Variants in DDX19A observed in about 807,000 individuals in gnomAD.
DDX19A encodes ATP-dependent RNA helicase DDX19A.
DDX19A carries 12 observed loss-of-function variants against 60.6 expected under a neutral mutation model. The observed-to-expected ratio is 0.20, with a 90% CI of 0.13 to 0.32. DDX19A has a LOEUF of 0.32. Ranked by LOEUF, DDX19A falls within the 10% of genes least tolerant of loss-of-function variation. DDX19A has a pLI of 1.00. For missense variants in DDX19A, 337 were observed against 600.6 expected (o/e 0.56, Z 4.59); for synonymous variants, 206 against 218.2 (o/e 0.94, Z 0.49).
chr16:70,358,731 C>G (rs761318927), intron 4 of DDX19A, among the ~76,000 whole-genome samples: 3 of 152,018 alleles, frequency 2.0e-5, no homozygotes, highest in Admixed American at 1.3e-4. Context: ...CTTGTAGTCC[C>G]GGCTACTCAG....
intron 3 of DDX19A, 69 bp from the exon 4 acceptor site, chr16:70,356,043 G>A: frequency 1.9e-6 from 3 of 1,601,664 alleles, no homozygotes; most frequent in Middle Eastern, 2.3e-4. Flanking sequence ...TGGAGAGGGA[G>A]AAAGAGTGGC....
intron 1 of DDX19A, among the ~76,000 whole-genome samples, chr16:70,350,192 G>T (rs918183637): frequency 1.3e-5 from 2 of 152,104 alleles, no homozygotes; most frequent in African/African-American, 2.4e-5. Context: ...GGTTGAGGCC[G>T]CAGTGAGCCA....
intron 4 of DDX19A, 29 bp from the exon 5 acceptor site, chr16:70,361,389 A>T (rs764303114): frequency 6.6e-7 from 1 of 1,525,908 alleles, no homozygotes; most frequent in South Asian, 1.1e-5. Context: ...ACTTCTAGGC[A>T]TCCATCCTCT....
chr16:70,353,726 C>A (rs1019332287), intron 2 of DDX19A, among the ~76,000 whole-genome samples: 1 of 151,704 alleles, frequency 6.6e-6, no homozygotes, highest in Admixed American at 6.6e-5. Context: ...TATGGTGAAA[C>A]CCTGTCTCTA....
chr16:70,356,005 G>T (rs1964173949), intron 3 of DDX19A, 107 bp from the exon 4 acceptor site: 9 of 1,426,270 alleles, frequency 6.3e-6, no homozygotes, highest in Non-Finnish European at 7.7e-6. Flanking sequence ...TTTTTCTCCA[G>T]CCGTGCTTGA....
At position 70,347,061 on chromosome 16, in the gene DDX19A, G is replaced by A; in HGVS notation, c.57+13G>A. The A allele has an allele frequency of 6.2e-7, 1 of 1,609,568 alleles. No individual in the cohort carries two copies. The highest frequency in any genetic ancestry group is 8.5e-7 in the Non-Finnish European group (1 of 1,178,944). On this transcript the variant is annotated intron_variant, in intron 1 of 11. Transcript: ENST00000302243. The stretch of plus-strand genomic sequence containing the variant: ...GGCTGTCAAGTCGGTCAGTAGCTCA[G>A]CTCCTGGCGAGGAGGACGTAGCAGG...
At position 70,373,264 on chromosome 16, in the gene DDX19A, GT is replaced by G. The variant is rs2047309347; in HGVS notation, c.*1279del. On this transcript the variant is annotated 3_prime_UTR_variant, in exon 12 of 12. Coordinates refer to ENST00000302243, the MANE Select transcript of DDX19A (RefSeq NM_018332.5). ...TAAATAAGGATGGATAAATTGTAGC[GT>G]ATGCACCATTCATTATGCTAAGACA... 6.6e-6 allele frequency: 1 copy of G among 152,102 alleles called. No homozygotes were observed. 9.4% of individuals were successfully genotyped at this position (152,102 alleles called of 1,614,324 possible).
At chr16:70,359,090 C>T (rs966774639) in intron 4 of DDX19A, among the ~76,000 whole-genome samples, 9 of 152,172 alleles carry the variant, frequency 5.9e-5, no homozygotes, top group African/African-American at 2.2e-4. Context: ...CAGGTTCTCT[C>T]TGATTTAGTT....
chr16:70,348,167 G>A (rs929991604), intron 1 of DDX19A, among the ~76,000 whole-genome samples: 1 of 152,108 alleles, frequency 6.6e-6, no homozygotes, highest in Non-Finnish European at 1.5e-5. Flanking sequence ...GAAAATTAAG[G>A]GATGGGTATA....
At chr16:70,357,832 C>A (rs1964259079) in intron 4 of DDX19A, among the ~76,000 whole-genome samples, 1 of 152,106 alleles carries the variant, frequency 6.6e-6, no homozygotes, top group South Asian at 2.1e-4. Context: ...TAGAAAGTAG[C>A]TGATGAATAA....
intron 9 of DDX19A, among the ~76,000 whole-genome samples, chr16:70,369,173 GTTTTTTTTTTT>G (rs560443179): frequency 5.2e-4 from 50 of 96,344 alleles, no homozygotes; most frequent in African/African-American, 2.2e-3. Flanking sequence ...GGCCAATCTG[GTTTTTTTTTTT>G]TTTTTTTTTT....
Position 70,366,696 on chromosome 16 carries a change from G to C in DDX19A, c.855G>C (p.Gln285His), listed in dbSNP as rs992244633. 1 of 1,614,218 alleles carries C rather than the reference G, an allele frequency of 6.2e-7. No individual in the cohort carries two copies. The part of the protein sequence containing the change: ...TFEDSVWKFA[Q>H]KVVPDPNVIK... ...AAGACTCTGTGTGGAAGTTTGCCCA[G>C]AAAGTGGTCCCAGACCCAAATGTTA... is the stretch of plus-strand genomic sequence containing the variant. Residue 285 changes from glutamine (Q) to histidine (H), a missense_variant, in exon 9 of 12, where the codon CAG becomes CAC. Gln to His is a conservative substitution (Grantham distance 24). This residue lies in a region of DDX19A where 117 missense variants were observed against 274.3 expected (regional missense o/e 0.43). Transcript: ENST00000302243.
rs1308743627 is a variant in DDX19A, at chr16:70,353,129, CT to C, written c.107-2345del. On this transcript the variant is annotated intron_variant, in intron 2 of 11. Coordinates refer to ENST00000302243, the MANE Select transcript of DDX19A (RefSeq NM_018332.5). ...TGCATTTGCGATTTTTTCTTTCTTT[CT>C]TTTTTTTTTTCTTTGAGATGGATTC... 3.4e-3 allele frequency among the ~76,000 whole-genome samples: 489 copies of C among 144,530 alleles called. 9 individuals are homozygous for C. The highest frequency in any genetic ancestry group is 0.012 in the African/African-American group (450 of 38,798). The allele number at this position is 144,530 out of a possible 152,430, so 94.8% of individuals were successfully genotyped here.
intron 9 of DDX19A, among the ~76,000 whole-genome samples, chr16:70,367,482 GTC>G (rs369051849): frequency 6.6e-6 from 1 of 151,852 alleles, no homozygotes; most frequent in African/African-American, 2.4e-5. Flanking sequence ...TAGTTTTCCA[GTC>G]TCAAACAACA....
At chr16:70,355,362 G>A (rs1964153012) in intron 2 of DDX19A, 123 bp from the exon 3 acceptor site, 1 of 761,700 alleles carries the variant, frequency 1.3e-6, no homozygotes, top group African/African-American at 1.8e-5. Flanking sequence ...GGCTACAAGA[G>A]GAAAACTCCG....
At chr16:70,357,366 G>GGTTT (rs1964236412) in intron 4 of DDX19A, among the ~76,000 whole-genome samples, 1 of 44,596 alleles carries the variant, frequency 2.2e-5, no homozygotes, top group Non-Finnish European at 4.1e-5. Flanking sequence ...TTTTTGGTTT[G>GGTTT]TTTTTTTTTT....
At chr16:70,352,327 C>G (rs933584871) in intron 2 of DDX19A, among the ~76,000 whole-genome samples, 22 of 150,770 alleles carry the variant, frequency 1.5e-4, no homozygotes, top group Admixed American at 6.0e-4. Flanking sequence ...CTCTGTCACC[C>G]AGGCTGGAGT....
At chr16:70,347,227 T>TA (rs1963860865) in intron 1 of DDX19A, 179 bp downstream of exon 1, 1 of 627,830 alleles carries the variant, frequency 1.6e-6, no homozygotes, top group Admixed American at 2.7e-5. Context: ...TCGAGCTTTT[T>TA]ATCTCCATCT....
At chr16:70,362,241 G>A (rs1465269277) in intron 5 of DDX19A, among the ~76,000 whole-genome samples, 2 of 148,608 alleles carry the variant, frequency 1.3e-5, no homozygotes, top group African/African-American at 4.9e-5. Context: ...CTGTGGTCAT[G>A]TAGCTGAGGC....
Sources: allele counts gnomAD v4.1 joint callset (sites outside exome capture counted in the v4.1 genomes callset), GRCh38; gene constraint gnomAD v4.1.1; regional missense constraint gnomAD v4.1.1; transcripts MANE v1.5; gene names NCBI Gene and HGNC (gene_info 2026-07-23, HGNC 2026-07-21).